KCNJ18: variants seen among roughly 807,000 people sequenced by gnomAD.
The protein encoded by KCNJ18 is potassium inwardly rectifying channel subfamily J member 18, also known as inward rectifier potassium channel 18.
In KCNJ18, 16 loss-of-function variants were observed where a neutral mutation model predicts 17.3. That is an observed-to-expected ratio of 0.92 (90% CI 0.62 to 1.40). KCNJ18 has a LOEUF of 1.40. KCNJ18 is among the 40% of genes most tolerant of loss of function. The pLI, the probability that KCNJ18 is intolerant of heterozygous loss-of-function variation, is 0.00. For synonymous variants in KCNJ18, 185 were observed against 262.6 expected, an observed-to-expected ratio of 0.70 and a Z score of 2.86; for missense variants, 462 against 626.8, an observed-to-expected ratio of 0.74 and a Z score of 2.81.
At position 21,703,140 on chromosome 17, in the gene KCNJ18, C is replaced by T. The variant is rs1271405002; in HGVS notation, c.354C>T (p.His118=). 3.7e-5 allele frequency: 60 copies of T among 1,610,616 alleles called. No individual in the cohort carries two copies. Among genetic ancestry groups the T allele is most frequent in the Admixed American group, 1.0e-4 (6 of 59,748 alleles). The stretch of plus-strand genomic sequence containing the variant: ...GTGACCTGGAGCCGGCTGAGGGCCA[C>T]GGCCGCACACCCTGTGTGATGCAGG... ...AHGDLEPAEG[H]GRTPCVMQVH... is the part of the protein sequence containing the mutation. Residue 118 remains histidine (H), a synonymous_variant, in exon 3 of 3, where the codon CAC becomes CAT. Transcript: ENST00000567955.
chr17:21,703,895 C>A lies in KCNJ18; in HGVS notation c.1109C>A (p.Pro370His). 3 of 1,612,822 alleles carry A rather than the reference C, an allele frequency of 1.9e-6. No individual in the cohort carries two copies. The change falls in exon 3 of 3, where the codon CCC becomes CAC. Residue 370 changes from proline to histidine, a missense_variant. Coordinates refer to ENST00000567955, the MANE Select transcript of KCNJ18 (RefSeq NM_001194958.2). ...CTGGTAGAGAACAAGTTCCTGCTGC[C>A]CAGTGCCAACTCCTTCTGCTATGAG... ...KDLVENKFLLPSANSFCYENE... is the reference protein window; with the variant it reads ...KDLVENKFLLHSANSFCYENE...
intron 1 of KCNJ18, among the ~76,000 whole-genome samples, chr17:21,694,956 C>T (rs1329059742): frequency 5.3e-5 from 8 of 152,258 alleles, no homozygotes; most frequent in African/African-American, 1.9e-4. Flanking sequence ...CTCACCCATC[C>T]ATCCACCCAA....
chr17:21,693,907 C>A (rs1230096629), intron 1 of KCNJ18, among the ~76,000 whole-genome samples: 1 of 152,160 alleles, frequency 6.6e-6, no homozygotes, highest in African/African-American at 2.4e-5. Context: ...GTGGCTTCTG[C>A]TCCCAGAATG....
chr17:21,703,637 G>C lies in KCNJ18; in HGVS notation c.851G>C (p.Ser284Thr). ...IDEASPLFGISRQDLETDDFE... is the reference protein window; with the variant it reads ...IDEASPLFGITRQDLETDDFE... ...GAGGCCAGCCCGCTCTTCGGCATCA[G>C]CCGGCAGGACCTGGAGACGGACGAC... The change falls in exon 3 of 3, where the codon AGC becomes ACC. Residue 284 changes from serine (S) to threonine (T), a missense_variant. Physicochemically the swap from Ser to Thr is moderately conservative, Grantham distance 58. Around this residue, in one of 5 missense-constraint regions of KCNJ18, gnomAD observed 55 missense variants for 69.1 expected, o/e 0.80. Transcript: ENST00000567955. 1 of 1,610,224 alleles carries C rather than the reference G, an allele frequency of 6.2e-7. No individual in the cohort carries two copies. The highest frequency in any genetic ancestry group is 1.1e-5 in the South Asian group (1 of 90,952).
At chr17:21,696,408 CATCT>C (rs1368044377) in intron 2 of KCNJ18, among the ~76,000 whole-genome samples, 8 of 152,188 alleles carry the variant, frequency 5.3e-5, no homozygotes, top group Non-Finnish European at 1.0e-4. Context: ...TCCACCCACC[CATCT>C]GTCAACCCGA....
chr17:21,698,545 C>T (rs1905839552), intron 2 of KCNJ18, among the ~76,000 whole-genome samples: 1 of 152,018 alleles, frequency 6.6e-6, no homozygotes, highest in Admixed American at 6.5e-5. Context: ...CTCTCCCTTC[C>T]AGTCAGTGCT....
At chr17:21,692,989 T>G (rs1235249741) in intron 1 of KCNJ18, among the ~76,000 whole-genome samples, 175 of 152,324 alleles carry the variant, frequency 1.1e-3, no homozygotes, top group African/African-American at 3.5e-3. Flanking sequence ...TTCAGCCCCA[T>G]CCTCAGCCCA....
intron 2 of KCNJ18, among the ~76,000 whole-genome samples, chr17:21,702,503 G>A (rs1905993132): frequency 6.6e-6 from 1 of 152,226 alleles, no homozygotes; most frequent in African/African-American, 2.4e-5. Flanking sequence ...CTCAGTGTGG[G>A]AGTGAGGTGT....
intron 2 of KCNJ18, among the ~76,000 whole-genome samples, chr17:21,702,383 G>C (rs2142272157): frequency 6.6e-6 from 1 of 152,276 alleles, no homozygotes; most frequent in South Asian, 2.1e-4. Context: ...GCCATCGGCA[G>C]AGGCAGAGAG....
At chr17:21,698,226 C>G (rs1429037479) in intron 2 of KCNJ18, among the ~76,000 whole-genome samples, 2 of 152,216 alleles carry the variant, frequency 1.3e-5, no homozygotes, top group Admixed American at 1.3e-4. Flanking sequence ...TACAGCCCAG[C>G]CTGGAAGCTT....
At chr17:21,702,671 T>G in intron 2 of KCNJ18, 60 bp from the exon 3 acceptor site, 3 of 1,137,740 alleles carry the variant, frequency 2.6e-6, no homozygotes, top group Non-Finnish European at 3.8e-6. Context: ...GGCCCTGGGA[T>G]GGGGGTAGAG....
rs1906002217 is a variant in KCNJ18, at chr17:21,702,713, CT to C, written c.-56-17del. 1 of 1,492,420 alleles carries C rather than the reference CT, an allele frequency of 6.7e-7. No homozygotes were observed. The highest frequency in any genetic ancestry group is 9.0e-7 in the Non-Finnish European group (1 of 1,108,564). The allele number at this position is 1,492,420 out of a possible 1,614,324, so 92.4% of individuals were successfully genotyped here. ...GGAGCCACCAGCCCAGCCAGACATG[CT>C]GTCCTCTCTGTTCCAGGAGCCGCCC... On this transcript the variant is annotated splice_polypyrimidine_tract_variant and intron_variant, in intron 2 of 2. Coordinates refer to ENST00000567955, the MANE Select transcript of KCNJ18 (RefSeq NM_001194958.2).
chr17:21,699,027 G>A (rs1250178945), intron 2 of KCNJ18, among the ~76,000 whole-genome samples: 1 of 152,034 alleles, frequency 6.6e-6, no homozygotes, highest in Non-Finnish European at 1.5e-5. Context: ...TGTGGAAAAC[G>A]GTCCTAACTT....
intron 2 of KCNJ18, among the ~76,000 whole-genome samples, chr17:21,697,953 C>T (rs1463220814): frequency 6.6e-6 from 1 of 152,242 alleles, no homozygotes; most frequent in Non-Finnish European, 1.5e-5. Context: ...TGCCAGCCTT[C>T]CCTGCATTGA....
At chr17:21,697,786 G>A (rs1401312668) in intron 2 of KCNJ18, among the ~76,000 whole-genome samples, 572 of 152,196 alleles carry the variant, frequency 3.8e-3, no homozygotes, top group African/African-American at 0.013. Flanking sequence ...GCAAAGGAAG[G>A]GCTGGGCTTT....
At chr17:21,702,675 G>T (rs1348709881) in intron 2 of KCNJ18, 56 bp from the exon 3 acceptor site, 22 of 1,186,086 alleles carry the variant, frequency 1.9e-5, no homozygotes, top group East Asian at 2.6e-5. Context: ...CTGGGATGGG[G>T]GTAGAGGAGC....
At chr17:21,693,007 C>A (rs1393491906) in intron 1 of KCNJ18, among the ~76,000 whole-genome samples, 1 of 152,310 alleles carries the variant, frequency 6.6e-6, no homozygotes, top group Non-Finnish European at 1.5e-5. Context: ...CCAGGCCCTG[C>A]CCTCCCCTGC....
At chr17:21,693,248 G>A (rs1905656435) in intron 1 of KCNJ18, among the ~76,000 whole-genome samples, 1 of 152,284 alleles carries the variant, frequency 6.6e-6, no homozygotes, top group African/African-American at 2.4e-5. Flanking sequence ...GCCCTGCCCT[G>A]TGACTTCAGG....
chr17:21,702,964 A>G lies in KCNJ18; in HGVS notation c.178A>G (p.Met60Val). ...CCAGTGCAACATTGCGTTCGCCAACATGGACGAGAAGTCACAGCGCTACCT... is the reference window on the plus strand; with the variant it reads ...CCAGTGCAACATTGCGTTCGCCAACGTGGACGAGAAGTCACAGCGCTACCT... ...NGQCNIAFAN[M>V]DEKSQRYLAD... Residue 60 changes from methionine (M) to valine (V), a missense_variant, in exon 3 of 3, where the codon ATG becomes GTG. Met to Val is a conservative substitution (Grantham distance 21, BLOSUM62 1). Around this residue, in one of 5 missense-constraint regions of KCNJ18, gnomAD observed 237 missense variants for 259.4 expected, o/e 0.91. Transcript: ENST00000567955. 6.3e-7 allele frequency: 1 copy of G among 1,594,246 alleles called. No homozygotes were observed. Among genetic ancestry groups the G allele is most frequent in the Non-Finnish European group, 8.5e-7 (1 of 1,172,312 alleles).
Sources: allele counts gnomAD v4.1 joint callset (sites outside exome capture counted in the v4.1 genomes callset), GRCh38; gene constraint gnomAD v4.1.1; regional missense constraint gnomAD v4.1.1; transcripts MANE v1.5; gene names NCBI Gene and HGNC (gene_info 2026-07-23, HGNC 2026-07-21).